BCAR3: variants seen among roughly 807,000 people sequenced by gnomAD.
BCAR3 encodes BCAR3 adaptor protein, NSP family member.
Under a neutral mutation model 80.1 loss-of-function variants are expected in BCAR3, and 37 were observed. The observed-to-expected ratio is 0.46, with a 90% CI of 0.36 to 0.61. The LOEUF is 0.61. Among genes scored for constraint, BCAR3 ranks in the 20% least tolerant of loss-of-function variants. BCAR3 has a pLI of 0.00. For synonymous variants in BCAR3, 389 were observed against 418.9 expected (o/e 0.93, Z 0.87); for missense variants, 978 against 1,068.2 (o/e 0.92, Z 1.18).
intron 2 of BCAR3, among the ~76,000 whole-genome samples, chr1:93,821,167 G>A (rs982971280): frequency 1.3e-5 from 2 of 152,104 alleles, no homozygotes; most frequent in African/African-American, 2.4e-5. Flanking sequence ...CTTGAAGGTC[G>A]TTCTTCAACA....
chr1:93,737,516 G>T (rs750207047), intron 2 of BCAR3, among the ~76,000 whole-genome samples: 2 of 152,176 alleles, frequency 1.3e-5, no homozygotes, highest in Non-Finnish European at 2.9e-5. Context: ...GCAATCACCG[G>T]AAGCAAGGAG....
chr1:93,811,719 A>G (rs1375338468), intron 2 of BCAR3, among the ~76,000 whole-genome samples: 1 of 152,128 alleles, frequency 6.6e-6, no homozygotes. Context: ...GGGTTCAGAA[A>G]CCAATGCTGA....
At chr1:93,807,584 T>C (rs372072946) in intron 2 of BCAR3, among the ~76,000 whole-genome samples, 3 of 152,146 alleles carry the variant, frequency 2.0e-5, no homozygotes, top group African/African-American at 7.2e-5. Context: ...AGCTAATCTC[T>C]CCATGCTACT....
rs552326195 is a variant in BCAR3 at position 93,618,751 on chromosome 1, A to G, written c.357+23553T>C. On this transcript the variant is annotated intron_variant, in intron 3 of 11. Coordinates refer to ENST00000260502, the MANE Select transcript of BCAR3 (RefSeq NM_003567.4). ...ATAATCCCAAGCTCTCAAATGGCAG[A>G]CTCACTATCTGATGATCTTGGCCTT... 3.3e-5 allele frequency among the ~76,000 whole-genome samples: 5 copies of G among 152,262 alleles called. No individual in the cohort carries two copies. The South Asian group carries it at 1.0e-3, about 32-fold the overall frequency.
At chr1:93,819,881 T>C (rs965424818) in intron 2 of BCAR3, among the ~76,000 whole-genome samples, 23 of 152,238 alleles carry the variant, frequency 1.5e-4, no homozygotes, top group Admixed American at 1.4e-3. Flanking sequence ...ATGGGCATCA[T>C]ACCTGATAGA....
rs758983074 is a variant in BCAR3, at chr1:93,589,178, T to C, written c.728A>G (p.Gln243Arg). Residue 243 changes from glutamine to arginine, a missense_variant, in exon 5 of 12, where the codon CAG becomes CGG. Transcript: ENST00000260502. The part of the protein sequence containing the change: ...CYVGNRRPIS[Q>R]QSGAIIFQPI... ...CTGGAAGATGATGGCGCCACTCTGC[T>C]GGGAGATGGGCCGGCGGTTGCCCAC... 9 of 1,613,738 alleles carry C rather than the reference T, an allele frequency of 5.6e-6. No individual in the cohort carries two copies. The highest frequency in any genetic ancestry group is 5.9e-6 in the Non-Finnish European group (7 of 1,179,972).
At chr1:93,578,821 C>T (rs755565138) in intron 7 of BCAR3, among the ~76,000 whole-genome samples, 4 of 152,096 alleles carry the variant, frequency 2.6e-5, no homozygotes, top group East Asian at 1.9e-4. Context: ...ATATATAACA[C>T]GGATAAACAC....
At chr1:93,759,212 C>T (rs1215501351) in intron 2 of BCAR3, among the ~76,000 whole-genome samples, 3 of 152,078 alleles carry the variant, frequency 2.0e-5, no homozygotes, top group Non-Finnish European at 4.4e-5. Flanking sequence ...TTGCCACCAA[C>T]AAAAAACCAT....
At position 93,562,096 on chromosome 1, in the gene BCAR3, A is replaced by G; in HGVS notation, c.*145T>C. ...TTCATAAATAAGTGTGCTCTGTGCAATTTACACGTTTAATATCCTGTGGAT... is the reference window on the plus strand; with the variant it reads ...TTCATAAATAAGTGTGCTCTGTGCAGTTTACACGTTTAATATCCTGTGGAT... On this transcript the variant is annotated 3_prime_UTR_variant, in exon 12 of 12. Coordinates refer to ENST00000260502, the MANE Select transcript of BCAR3 (RefSeq NM_003567.4). The G allele has an allele frequency of 1.3e-6, 1 of 759,616 alleles. No homozygotes were observed. The highest frequency in any genetic ancestry group is 2.5e-5 in the South Asian group (1 of 39,516). The allele number at this position is 759,616 out of a possible 1,614,324, so 47.1% of individuals were successfully genotyped here.
At position 93,709,257 on chromosome 1, in the gene BCAR3, G is replaced by C. The variant is rs952969325; in HGVS notation, c.-62-3115C>G. ...TCTGATAACAGCAGGCCTTCCTGGA[G>C]GTGGGCACATTCTCCTCCTCTGACC... On this transcript the variant is annotated intron_variant, in intron 2 of 13. Coordinates refer to the BCAR3 transcript ENST00000370244. Among the ~76,000 whole-genome samples the C allele has an allele frequency of 5.9e-5, 9 of 152,200 alleles. 1 individual carries two copies. Among genetic ancestry groups the C allele is most frequent in the Admixed American group, 5.9e-4 (9 of 15,288 alleles).
chr1:93,755,860 C>A (rs1387796340), intron 2 of BCAR3, among the ~76,000 whole-genome samples: 1 of 152,158 alleles, frequency 6.6e-6, no homozygotes, highest in Non-Finnish European at 1.5e-5. Flanking sequence ...ATGACAGGGA[C>A]TTTTGTATCA....
intron 2 of BCAR3, among the ~76,000 whole-genome samples, chr1:93,718,210 T>C (rs758958203): frequency 1.3e-5 from 2 of 152,246 alleles, no homozygotes; most frequent in Non-Finnish European, 2.9e-5. Context: ...TCATTTGGCC[T>C]GAGTCTGGTA....
chr1:93,804,374 G>T (rs1035997854), intron 2 of BCAR3, among the ~76,000 whole-genome samples: 21 of 152,246 alleles, frequency 1.4e-4, no homozygotes, highest in African/African-American at 5.1e-4. Context: ...GGCACAGTAA[G>T]AGATTAACAA....
At chr1:93,733,198 C>T (rs926032412) in intron 2 of BCAR3, among the ~76,000 whole-genome samples, 1 of 152,148 alleles carries the variant, frequency 6.6e-6, no homozygotes, top group African/African-American at 2.4e-5. Context: ...CCCCTCCCCA[C>T]CAGCAGCTGA....
chr1:93,652,763 C>T (rs1008193078), intron 2 of BCAR3, among the ~76,000 whole-genome samples: 16 of 152,130 alleles, frequency 1.1e-4, no homozygotes, highest in South Asian at 2.1e-4. Context: ...CTGGCAGGCA[C>T]GCTGCCCCAC....
At chr1:93,666,237 C>T (rs949162585) in intron 2 of BCAR3, among the ~76,000 whole-genome samples, 1 of 152,194 alleles carries the variant, frequency 6.6e-6, no homozygotes, top group East Asian at 1.9e-4. Flanking sequence ...AATAAAAACA[C>T]AACGTGAGCC....
At chr1:93,686,151 A>G (rs963008252), upstream of BCAR3, among the ~76,000 whole-genome samples, 2 of 152,212 alleles carry the variant, frequency 1.3e-5, no homozygotes, top group Non-Finnish European at 2.9e-5. Context: ...TCAGAAGGCT[A>G]TGGAATCACT....
chr1:93,809,557 T>G (rs1486256970), intron 2 of BCAR3, among the ~76,000 whole-genome samples: 1 of 151,336 alleles, frequency 6.6e-6, no homozygotes, highest in Non-Finnish European at 1.5e-5. Flanking sequence ...CACCTGGGGT[T>G]AGGAGTTTGA....
At chr1:93,805,242 A>G (rs1330271553) in intron 2 of BCAR3, among the ~76,000 whole-genome samples, 2 of 152,254 alleles carry the variant, frequency 1.3e-5, no homozygotes, top group African/African-American at 4.8e-5. Context: ...GATTTCTTGG[A>G]AACAGAAATA....
Sources: gnomAD v4.1 joint callset for allele counts (sites outside exome capture counted in the v4.1 genomes callset) on GRCh38, gnomAD v4.1.1 for gene constraint, MANE v1.5 for transcripts, NCBI Gene and HGNC (gene_info 2026-07-23, HGNC 2026-07-21) for gene names.